Variants in DAAM2 observed in about 807,000 individuals in gnomAD.
The protein encoded by DAAM2 is disheveled-associated activator of morphogenesis 2.
Under a neutral mutation model 120.7 loss-of-function variants are expected in DAAM2, and 39 were observed. The ratio of observed to expected loss-of-function variants is 0.32; its 90% CI spans 0.25 to 0.42. The LOEUF is 0.42. DAAM2 is among the 10% of genes least tolerant of loss of function. The pLI is 1.00. For synonymous variants in DAAM2, 488 were observed against 524.9 expected, an observed-to-expected ratio of 0.93 and a Z score of 0.96; for missense variants, 1,283 against 1,401.7, an observed-to-expected ratio of 0.92 and a Z score of 1.35.
chr6:39,829,166 G>A (rs547068776), intron 1 of DAAM2, among the ~76,000 whole-genome samples: 2 of 152,222 alleles, frequency 1.3e-5, no homozygotes, highest in Admixed American at 6.5e-5. Context: ...AATCCAATTG[G>A]CATCTCTTCT....
Position 39,904,632 on chromosome 6 carries a change from G to C in DAAM2, c.*2595G>C. On this transcript the variant is annotated 3_prime_UTR_variant, in exon 25 of 25. Transcript: ENST00000274867. ...GAAAATTCTCCAGGTGAATGGGGAAGGGTCTGTTCCAGCCTCTCCCTACTC... is the reference window on the plus strand; with the variant it reads ...GAAAATTCTCCAGGTGAATGGGGAACGGTCTGTTCCAGCCTCTCCCTACTC... 2.2e-6 allele frequency: 1 copy of C among 454,150 alleles called. No homozygotes were observed. The highest frequency in any genetic ancestry group is 2.0e-5 in the African/African-American group (1 of 50,112). 28.1% of individuals were successfully genotyped at this position (454,150 alleles called of 1,614,324 possible).
In DAAM2 at chr6:39,875,575, C is replaced by T. The variant is rs150027779; in HGVS notation, c.1301+107C>T. The stretch of plus-strand genomic sequence containing the variant: ...GCTCCCTTTCGCAACCCAGTCATCC[C>T]GAAATGAGTCTTGGGCAGCATGGTC... On this transcript the variant is annotated intron_variant, in intron 11 of 24. Coordinates refer to ENST00000274867, the MANE Select transcript of DAAM2 (RefSeq NM_001201427.2). 1.2e-4 allele frequency: 167 copies of T among 1,342,054 alleles called. 1 individual carries two copies. In the East Asian group the frequency reaches 2.9e-3, roughly 23 times the overall value. The allele number at this position is 1,342,054 out of a possible 1,614,324, so 83.1% of individuals were successfully genotyped here. A position where few individuals can be genotyped will look rare whatever the true frequency, so the allele number is the denominator to read the frequency against.
At chr6:39,896,763 C>T (rs776859725) in intron 19 of DAAM2, 49 bp from the exon 20 acceptor site, 9 of 1,472,582 alleles carry the variant, frequency 6.1e-6, no homozygotes, top group East Asian at 2.4e-5. Flanking sequence ...ATGAGAACTG[C>T]TGCCCTGCCT....
At chr6:39,868,688 T>C (rs568832074) in intron 6 of DAAM2, 135 bp from the exon 7 acceptor site, 6 of 660,116 alleles carry the variant, frequency 9.1e-6, no homozygotes, top group Admixed American at 7.7e-5. Context: ...CCAGAGTAAA[T>C]TGGACAGACC....
Position 39,804,119 on chromosome 6 carries a change from A to G in DAAM2, c.-57+11654A>G, listed in dbSNP as rs1315366008. Among the ~76,000 whole-genome samples, 11 of 152,284 alleles carry G rather than the reference A, an allele frequency of 7.2e-5. No individual in the cohort carries two copies. In the South Asian group the frequency reaches 2.1e-3, roughly 29 times the overall value. Reference sequence around the variant, plus strand: ...TGTCTGGAGTTTGGCCTGATGTGGCATCCTCCCCAGCCTCCTCTGTTTATG... The same window carrying G: ...TGTCTGGAGTTTGGCCTGATGTGGCGTCCTCCCCAGCCTCCTCTGTTTATG... On this transcript the variant is annotated intron_variant, in intron 1 of 24. Transcript: ENST00000274867.
intron 1 of DAAM2, among the ~76,000 whole-genome samples, chr6:39,830,043 C>T (rs1249549275): frequency 2.0e-5 from 3 of 152,128 alleles, no homozygotes; most frequent in Non-Finnish European, 2.9e-5. Flanking sequence ...CCCACTACCC[C>T]GGCCTGCTCA....
At position 39,869,780 on chromosome 6, in the gene DAAM2, T is replaced by A. The variant is rs11970645; in HGVS notation, c.874-560T>A. Among the ~76,000 whole-genome samples the A allele has an allele frequency of 8.8e-3, 871 of 99,146 alleles. 11 individuals are homozygous for A. Among genetic ancestry groups the A allele is most frequent in the East Asian group, 0.026 (85 of 3,270 alleles). The allele number at this position is 99,146 out of a possible 152,430, so 65.0% of individuals were successfully genotyped here. On this transcript the variant is annotated intron_variant, in intron 7 of 24. Coordinates refer to ENST00000274867, the MANE Select transcript of DAAM2 (RefSeq NM_001201427.2). ...TTTTTTTTTTTTTTTTTTTTTTTTT[T>A]AAAAACAATTTATCTTTATGCCCTG...
At chr6:39,810,992 TG>T (rs1762143088) in intron 1 of DAAM2, among the ~76,000 whole-genome samples, 1 of 152,194 alleles carries the variant, frequency 6.6e-6, no homozygotes, top group Non-Finnish European at 1.5e-5. Context: ...CTGGGTGTTG[TG>T]GAGGCAGATC....
At chr6:39,877,394 T>C (rs1764916987) in intron 11 of DAAM2, among the ~76,000 whole-genome samples, 1 of 152,244 alleles carries the variant, frequency 6.6e-6, no homozygotes, top group South Asian at 2.1e-4. Flanking sequence ...GTCAAAACTC[T>C]TGGGGAAGGC....
At chr6:39,870,594 G>A (rs746546828) in intron 8 of DAAM2, among the ~76,000 whole-genome samples, 151 bp downstream of exon 8, 8 of 152,188 alleles carry the variant, frequency 5.3e-5, no homozygotes, top group Admixed American at 5.2e-4. Context: ...GGGGGAAGGG[G>A]TGCCCTTGCC....
chr6:39,841,739 G>A (rs1246753363), intron 1 of DAAM2, among the ~76,000 whole-genome samples: 2 of 152,038 alleles, frequency 1.3e-5, no homozygotes, highest in Non-Finnish European at 2.9e-5. Flanking sequence ...GTTGAAAAAA[G>A]GCAATTTAGA....
chr6:39,832,416 A>T (rs1762949534), intron 1 of DAAM2, among the ~76,000 whole-genome samples: 1 of 149,524 alleles, frequency 6.7e-6, no homozygotes, highest in Non-Finnish European at 1.5e-5. Context: ...GGAATAACCC[A>T]CTTAGTGGTG....
At chr6:39,840,211 A>AGT (rs1423236333) in intron 1 of DAAM2, among the ~76,000 whole-genome samples, 4 of 152,116 alleles carry the variant, frequency 2.6e-5, no homozygotes, top group Non-Finnish European at 5.9e-5. Flanking sequence ...TGGGCAATAG[A>AGT]GTGAGACAAT....
In DAAM2 at chr6:39,878,035, A is replaced by C. The variant is rs908530387; in HGVS notation, c.1302-168A>C. Among the ~76,000 whole-genome samples, 6 of 152,196 alleles carry C rather than the reference A, an allele frequency of 3.9e-5. No homozygotes were observed. The highest frequency in any genetic ancestry group is 8.8e-5 in the Non-Finnish European group (6 of 68,038). Reference sequence around the variant, plus strand: ...CACAGACACATAATGTGAACGGGGCAGGGGACCTGGAGAGACACCTGGGAA... The same window carrying C: ...CACAGACACATAATGTGAACGGGGCCGGGGACCTGGAGAGACACCTGGGAA... On this transcript the variant is annotated intron_variant, in intron 11 of 24. Transcript: ENST00000274867. This position sits in a 1 kb window ranked among gnomAD's most constrained non-coding sequence, Gnocchi z 5.0.
chr6:39,846,386 G>C (rs1355005582), intron 1 of DAAM2, among the ~76,000 whole-genome samples: 1 of 152,134 alleles, frequency 6.6e-6, no homozygotes, highest in African/African-American at 2.4e-5. Flanking sequence ...CTAGTGATGG[G>C]GTAGAAGAAA....
chr6:39,813,765 G>A (rs777597691), intron 1 of DAAM2, among the ~76,000 whole-genome samples: 6 of 152,256 alleles, frequency 3.9e-5, no homozygotes, highest in Middle Eastern at 6.8e-3. Flanking sequence ...TGCCTTCCCA[G>A]GTCACTTAAC....
At chr6:39,819,712 T>C (rs1418669422) in intron 1 of DAAM2, 2 of 152,248 alleles carry the variant, frequency 1.3e-5, no homozygotes, top group Non-Finnish European at 2.9e-5. Context: ...AAACGCTTAT[T>C]TCTCACAGTT....
At chr6:39,813,047 C>T (rs1762208189) in intron 1 of DAAM2, among the ~76,000 whole-genome samples, 1 of 152,108 alleles carries the variant, frequency 6.6e-6, no homozygotes. Flanking sequence ...GCCACCCACC[C>T]CTCACAAACC....
At chr6:39,893,256 C>G (rs1242590548) in intron 19 of DAAM2, among the ~76,000 whole-genome samples, 1 of 152,190 alleles carries the variant, frequency 6.6e-6, no homozygotes, top group African/African-American at 2.4e-5. Context: ...GTGGCTGATG[C>G]CTATAATCCC....
Sources: gnomAD v4.1 joint callset for allele counts (sites outside exome capture counted in the v4.1 genomes callset) on GRCh38, gnomAD v4.1.1 for gene constraint, Gnocchi (gnomAD v3.1) non-coding constraint, MANE v1.5 for transcripts, NCBI Gene and HGNC (gene_info 2026-07-23, HGNC 2026-07-21) for gene names.